The following SBF2 variants were observed in gnomAD, a reference collection of about 807,000 sequenced individuals.
The protein encoded by SBF2 is myotubularin-related protein 13.
A neutral mutation model predicts 225.2 loss-of-function variants in SBF2; 112 were observed. The observed-to-expected ratio is 0.50, with a 90% CI of 0.43 to 0.58. The LOEUF is 0.58. SBF2 is among the 20% of genes least tolerant of loss of function. SBF2 has a pLI of 0.00. For synonymous variants in SBF2, 763 were observed against 773.3 expected, an observed-to-expected ratio of 0.99 and a Z score of 0.22; for missense variants, 1,996 against 2,206.2, an observed-to-expected ratio of 0.90 and a Z score of 1.91.
intron 2 of SBF2, among the ~76,000 whole-genome samples, chr11:10,163,151 AAC>A (rs1232936806): frequency 1.3e-5 from 2 of 152,218 alleles, no homozygotes; most frequent in African/African-American, 2.4e-5. Flanking sequence ...ACTTAAGCTA[AAC>A]ACAGTGTCCA....
chr11:10,206,243 C>G (rs920158760), intron 1 of SBF2, among the ~76,000 whole-genome samples: 10 of 150,840 alleles, frequency 6.6e-5, no homozygotes, highest in African/African-American at 2.4e-4. Context: ...AGCTCTAGTG[C>G]TGCCTGAGGT....
At chr11:9,852,888 A>G (rs1857057659) in intron 20 of SBF2, 139 bp from the exon 21 acceptor site, 11 of 719,020 alleles carry the variant, frequency 1.5e-5, no homozygotes, top group Non-Finnish European at 2.0e-5. Flanking sequence ...ATTATGACCC[A>G]GCAATTCCAC....
intron 16 of SBF2, among the ~76,000 whole-genome samples, chr11:9,906,364 T>G (rs7948688): frequency 0.27 from 41,621 of 152,036 alleles, 6,645 homozygotes; most frequent in African/African-American, 0.44. Flanking sequence ...ACACACTCAT[T>G]TATAATAATT....
At chr11:9,882,689 C>T (rs1268522326) in intron 17 of SBF2, among the ~76,000 whole-genome samples, 2 of 151,252 alleles carry the variant, frequency 1.3e-5, no homozygotes, top group Non-Finnish European at 1.5e-5. Flanking sequence ...CGCCTGTAAT[C>T]CCAGCTACTT....
intron 2 of SBF2, among the ~76,000 whole-genome samples, chr11:10,168,524 C>G (rs1381475804): frequency 2.0e-5 from 3 of 152,146 alleles, no homozygotes; most frequent in African/African-American, 7.2e-5. Context: ...CAATAGGAAA[C>G]AGGCTGCTAT....
chr11:10,260,435 G>C (rs1961310361), intron 1 of SBF2, among the ~76,000 whole-genome samples: 1 of 151,908 alleles, frequency 6.6e-6, no homozygotes, highest in Admixed American at 6.6e-5. Flanking sequence ...AAAATTTACA[G>C]GTCGGGCACG....
chr11:10,227,953 G>C (rs1486062421), intron 1 of SBF2, among the ~76,000 whole-genome samples: 5 of 151,428 alleles, frequency 3.3e-5, no homozygotes, highest in African/African-American at 1.2e-4. Flanking sequence ...CTACCCATGA[G>C]CATGGAATGT....
At chr11:10,018,913 A>C (rs1460924739) in intron 6 of SBF2, among the ~76,000 whole-genome samples, 1 of 152,154 alleles carries the variant, frequency 6.6e-6, no homozygotes, top group Non-Finnish European at 1.5e-5. Flanking sequence ...TTACTATTCC[A>C]TGAGGGCCTT....
Position 9,785,287 on chromosome 11 carries a change from A to G in SBF2, c.5069T>C (p.Ile1690Thr). Residue 1690 changes from isoleucine to threonine, a missense_variant, in exon 37 of 40, where the codon ATT becomes ACT. Transcript: ENST00000256190. ...ATAGGAAGGTAGGTTGGTAGACACA[A>G]TTCCTGGGGATCTCGACAGGTGTCT... ...SQRHLSRSPG[I>T]VSTNLPSYQK... The G allele has an allele frequency of 6.2e-7, 1 of 1,614,178 alleles. No individual in the cohort carries two copies. Among genetic ancestry groups the G allele is most frequent in the South Asian group, 1.1e-5 (1 of 91,082 alleles).
intron 2 of SBF2, among the ~76,000 whole-genome samples, chr11:10,145,432 A>G (rs571256197): frequency 5.1e-4 from 78 of 152,260 alleles, no homozygotes; most frequent in African/African-American, 1.8e-3. Flanking sequence ...CCAATCAGTT[A>G]TGAGACCACC....
At chr11:10,161,446 AT>A (rs1955730941) in intron 2 of SBF2, among the ~76,000 whole-genome samples, 1 of 152,214 alleles carries the variant, frequency 6.6e-6, no homozygotes, top group African/African-American at 2.4e-5. Flanking sequence ...ACCACAAATG[AT>A]TAGCACAGGA....
chr11:9,817,967 CAG>C (rs922355543), intron 28 of SBF2, among the ~76,000 whole-genome samples: 1 of 151,970 alleles, frequency 6.6e-6, no homozygotes, highest in Non-Finnish European at 1.5e-5. Flanking sequence ...TTTTTTGAGA[CAG>C]AGTTTCGCTC....
chr11:10,026,925 G>A (rs956152142), intron 6 of SBF2, among the ~76,000 whole-genome samples: 12 of 152,066 alleles, frequency 7.9e-5, no homozygotes, highest in African/African-American at 2.7e-4. Context: ...ACTATGCTCA[G>A]TGAGTAAAAA....
chr11:9,856,571 A>T lies in SBF2; in HGVS notation c.2250T>A (p.Phe750Leu). ...CTAGCAGGTTCACCATGAGGTTTGC[A>T]AAGTGAATGGCCTGACTAAAGACAG... ...ESTVFSQAIH[F>L]ANLMVNLLVP... The change falls in exon 19 of 40, where the codon TTT (phenylalanine) becomes TTA (leucine). Residue 750 changes from phenylalanine to leucine, a missense_variant. Phe to Leu is a conservative substitution (Grantham distance 22, BLOSUM62 0). Transcript: ENST00000256190. 6.2e-7 allele frequency: 1 copy of T among 1,614,124 alleles called. No homozygotes were observed. The highest frequency in any genetic ancestry group is 1.1e-5 in the South Asian group (1 of 91,088).
At chr11:9,920,180 A>G (rs1264129943) in intron 16 of SBF2, among the ~76,000 whole-genome samples, 2 of 122,628 alleles carry the variant, frequency 1.6e-5, no homozygotes, top group African/African-American at 2.8e-5. Flanking sequence ...TGCAAATACT[A>G]TATGTGTGTG....
intron 1 of SBF2, 111 bp from the exon 2 acceptor site, chr11:10,194,098 G>C (rs763628639): frequency 3.7e-6 from 3 of 806,304 alleles, no homozygotes; most frequent in Non-Finnish European, 6.3e-6. Flanking sequence ...TTAATAAACT[G>C]ATTAAACATT....
chr11:10,149,538 T>A (rs1955067584), intron 2 of SBF2: 1 of 152,162 alleles, frequency 6.6e-6, no homozygotes, highest in African/African-American at 2.4e-5. Flanking sequence ...GGTAGAAACA[T>A]GAAATGGCCT....
chr11:10,232,792 A>G (rs1958911385), intron 1 of SBF2, among the ~76,000 whole-genome samples: 1 of 152,200 alleles, frequency 6.6e-6, no homozygotes, highest in African/African-American at 2.4e-5. Context: ...TCATTTGGGA[A>G]AAGTTTATTT....
chr11:10,217,535 CT>C (rs1958175092), intron 1 of SBF2, among the ~76,000 whole-genome samples: 1 of 152,124 alleles, frequency 6.6e-6, no homozygotes, highest in Admixed American at 6.5e-5. Context: ...CAAATAACCC[CT>C]GACAACTTTA....
Sources: allele counts gnomAD v4.1 joint callset (sites outside exome capture counted in the v4.1 genomes callset), GRCh38; gene constraint gnomAD v4.1.1; transcripts MANE v1.5; gene names NCBI Gene and HGNC (gene_info 2026-07-23, HGNC 2026-07-21).